NELL2: variants seen among roughly 807,000 people sequenced by gnomAD.
NELL2 encodes the protein neural EGFL like 2.
A neutral mutation model predicts 109.6 loss-of-function variants in NELL2; 41 were observed. The observed-to-expected ratio is 0.37, with a 90% CI of 0.29 to 0.49. NELL2 has a LOEUF of 0.49. Ranked by LOEUF, NELL2 falls within the 20% of genes least tolerant of loss-of-function variation. The probability of loss-of-function intolerance (pLI) is 0.98; values close to 1 mark genes in which losing one functional copy is unlikely to be tolerated. For missense variants in NELL2, 900 were observed against 1,008.3 expected, an observed-to-expected ratio of 0.89 and a Z score of 1.45; for synonymous variants, 355 against 344.7, an observed-to-expected ratio of 1.03 and a Z score of -0.33.
chr12:44,558,274 T>A (rs1173843782), intron 15 of NELL2, among the ~76,000 whole-genome samples: 1 of 152,116 alleles, frequency 6.6e-6, no homozygotes, highest in Admixed American at 6.5e-5. Context: ...TCTAGCTGCA[T>A]AAAAAATAGT....
At chr12:44,911,793 C>A (rs1441568247) in intron 1 of NELL2, among the ~76,000 whole-genome samples, 1 of 151,502 alleles carries the variant, frequency 6.6e-6, no homozygotes, top group Non-Finnish European at 1.5e-5. Context: ...TTACAAAATT[C>A]TAGGGGACCA....
chr12:44,576,410 C>A (rs1038917711), intron 15 of NELL2, among the ~76,000 whole-genome samples: 1 of 152,192 alleles, frequency 6.6e-6, no homozygotes, highest in South Asian at 2.1e-4. Context: ...CTTCCCAGTG[C>A]CTGTCCTAAT....
In NELL2 at chr12:44,849,370, C is replaced by A. The variant is rs182846332; in HGVS notation, c.184+25855G>T. 2.6e-5 allele frequency among the ~76,000 whole-genome samples: 4 copies of A among 152,042 alleles called. No individual in the cohort carries two copies. The East Asian group carries it at 7.7e-4, about 29-fold the overall frequency. ...AAAGATGCAAATCTCATTTTTAGAACAACTAAATGGACAGTTCACAAATAG... is the reference window on the plus strand; with the variant it reads ...AAAGATGCAAATCTCATTTTTAGAAAAACTAAATGGACAGTTCACAAATAG... On this transcript the variant is annotated intron_variant, in intron 2 of 19. Coordinates refer to ENST00000429094, the MANE Select transcript of NELL2 (RefSeq NM_001145108.2).
At chr12:44,670,213 G>A (rs377104551) in intron 12 of NELL2, among the ~76,000 whole-genome samples, 9 of 152,158 alleles carry the variant, frequency 5.9e-5, no homozygotes, top group Admixed American at 1.3e-4. Context: ...ATTCATCATC[G>A]TTATACCAGC....
Position 44,776,140 on chromosome 12 carries a change from G to T in NELL2, c.773C>A (p.Ala258Asp). ...LAKTSAKLSR[A>D]EQRMNRLDQC... The stretch of plus-strand genomic sequence containing the variant: ...ATCCAATCTATTCATTCGCTGTTCA[G>T]CTCGAGACAGCTGTGGCACAAAAGA... The change falls in exon 8 of 20, where the codon GCT (alanine) becomes GAT (aspartate). Residue 258 changes from alanine (A) to aspartate (D), a missense_variant. Physicochemically the swap from Ala to Asp is moderately radical, Grantham distance 126. Coordinates refer to ENST00000429094, the MANE Select transcript of NELL2 (RefSeq NM_001145108.2). 6.2e-7 allele frequency: 1 copy of T among 1,613,476 alleles called. No homozygotes were observed. Among genetic ancestry groups the T allele is most frequent in the South Asian group, 1.1e-5 (1 of 91,006 alleles).
At chr12:44,570,413 G>A (rs959152168) in intron 15 of NELL2, among the ~76,000 whole-genome samples, 21 of 152,258 alleles carry the variant, frequency 1.4e-4, no homozygotes, top group Non-Finnish European at 3.1e-4. Flanking sequence ...AAATGGGACT[G>A]TGACAGTCTC....
At chr12:44,603,698 GT>G (rs1259101872) in intron 15 of NELL2, among the ~76,000 whole-genome samples, 1 of 152,104 alleles carries the variant, frequency 6.6e-6, no homozygotes, top group Non-Finnish European at 1.5e-5. Flanking sequence ...ATTTCGCTCA[GT>G]AAAAATCATA....
intron 13 of NELL2, among the ~76,000 whole-genome samples, chr12:44,614,699 A>C (rs1945755049): frequency 2.6e-5 from 4 of 152,086 alleles, no homozygotes; most frequent in African/African-American, 7.2e-5. Context: ...CAACAGTGTC[A>C]TCAGTCATAA....
chr12:44,756,078 C>A (rs1195518663), intron 9 of NELL2, among the ~76,000 whole-genome samples: 1 of 152,164 alleles, frequency 6.6e-6, no homozygotes, highest in African/African-American at 2.4e-5. Flanking sequence ...ACAGAAAAAA[C>A]AAAAGCTGTC....
intron 13 of NELL2, among the ~76,000 whole-genome samples, chr12:44,631,920 C>T (rs1318754511): frequency 1.3e-5 from 2 of 151,942 alleles, no homozygotes; most frequent in East Asian, 3.8e-4. Flanking sequence ...TGCAAAACTT[C>T]TAAACAAATT....
chr12:44,916,186 T>A (rs1195715650), upstream of NELL2, among the ~76,000 whole-genome samples: 5 of 152,208 alleles, frequency 3.3e-5, no homozygotes, highest in Non-Finnish European at 7.3e-5. Context: ...CAGGCCAATG[T>A]TAGCCACATG....
chr12:44,587,284 A>AAAAAAAAAAAAATAT, intron 15 of NELL2, among the ~76,000 whole-genome samples: 9 of 72,220 alleles, frequency 1.2e-4, no homozygotes, highest in Non-Finnish European at 1.9e-4. Context: ...AAAAAAAAAA[A>AAAAAAAAAAAAATAT]ATATATATAT....
intron 15 of NELL2, among the ~76,000 whole-genome samples, chr12:44,564,555 A>G (rs2136187202): frequency 6.6e-6 from 1 of 152,326 alleles, no homozygotes; most frequent in Non-Finnish European, 1.5e-5. Flanking sequence ...GGGCATAAAG[A>G]TACAGTTGTG....
intron 9 of NELL2, among the ~76,000 whole-genome samples, chr12:44,756,723 C>T (rs1431309423): frequency 6.6e-6 from 1 of 152,138 alleles, no homozygotes; most frequent in Non-Finnish European, 1.5e-5. Context: ...TTCTGATTTT[C>T]TGTGTAATTT....
In NELL2 at chr12:44,760,937, CATT is replaced by C. The variant is rs1490770372; in HGVS notation, c.994+13807_994+13809del. ...ATTTTTCATTGAAAAACAAAAGAAA[CATT>C]ATGAAAACATATTTGCAACATATAT... On this transcript the variant is annotated intron_variant, in intron 9 of 19. Coordinates refer to ENST00000429094, the MANE Select transcript of NELL2 (RefSeq NM_001145108.2). Among the ~76,000 whole-genome samples the C allele has an allele frequency of 2.6e-5, 4 of 152,074 alleles. No homozygotes were observed. The East Asian group carries it at 7.7e-4, about 29-fold the overall frequency.
At chr12:44,656,688 TCTGTG>T (rs1947513423) in intron 13 of NELL2, among the ~76,000 whole-genome samples, 1 of 152,248 alleles carries the variant, frequency 6.6e-6, no homozygotes, top group African/African-American at 2.4e-5. Context: ...TCCTTCTCAA[TCTGTG>T]CTTCTTGTGG....
chr12:44,717,143 T>C (rs779682097), intron 9 of NELL2, among the ~76,000 whole-genome samples: 1 of 152,148 alleles, frequency 6.6e-6, no homozygotes, highest in East Asian at 1.9e-4. Flanking sequence ...AAGTCTAATG[T>C]TGACATGGAA....
At chr12:44,896,633 T>C (rs1048459037) in intron 1 of NELL2, among the ~76,000 whole-genome samples, 2 of 151,954 alleles carry the variant, frequency 1.3e-5, no homozygotes, top group Non-Finnish European at 1.5e-5. Context: ...ATAAGAAAAA[T>C]ATCACTTAAT....
At chr12:44,576,000 C>T (rs2136202242) in intron 15 of NELL2, among the ~76,000 whole-genome samples, 1 of 152,326 alleles carries the variant, frequency 6.6e-6, no homozygotes, top group South Asian at 2.1e-4. Flanking sequence ...GCTTTCCTGG[C>T]CTCTGTGCTC....
Sources: gnomAD v4.1 joint callset for allele counts (sites outside exome capture counted in the v4.1 genomes callset) on GRCh38, gnomAD v4.1.1 for gene constraint, MANE v1.5 for transcripts, NCBI Gene and HGNC (gene_info 2026-07-23, HGNC 2026-07-21) for gene names.